The following GATD3 variants were observed in gnomAD, a reference collection of about 807,000 sequenced individuals.
GATD3 encodes the protein glutamine amidotransferase class 1 domain containing 3.
the GATD3 span, among the ~76,000 whole-genome samples, chr21:44,134,589 C>A: frequency 1.8e-5 from 1 of 54,336 alleles, no homozygotes; most frequent in East Asian, 6.5e-4. Flanking sequence ...CTATTCTTGG[C>A]TAAAAAAAAG....
chr21:44,139,625 C>T, the GATD3 span, among the ~76,000 whole-genome samples: 2 of 73,838 alleles, frequency 2.7e-5, 1 homozygote, highest in Admixed American at 2.9e-4. Context: ...AGGGCTCCGT[C>T]CCCAAAACTG....
chr21:44,141,926 G>A, the GATD3 span, among the ~76,000 whole-genome samples: 2 of 43,272 alleles, frequency 4.6e-5, no homozygotes, highest in African/African-American at 1.2e-4. Context: ...AGGGCGGCAG[G>A]GGGGTTTCAT....
chr21:44,142,054 C>T, the GATD3 span, among the ~76,000 whole-genome samples: 3 of 34,786 alleles, frequency 8.6e-5, no homozygotes, highest in African/African-American at 1.5e-4. Context: ...CTCCGCCTCC[C>T]GGGGTCAAGC....
chr21:44,143,887 C>G, the GATD3 span, among the ~76,000 whole-genome samples: 2 of 57,148 alleles, frequency 3.5e-5, 1 homozygote, highest in East Asian at 1.2e-3. Flanking sequence ...GCCTTGCGGC[C>G]CCCAGCCCCT....
the GATD3 span, among the ~76,000 whole-genome samples, chr21:44,142,015 A>T: frequency 2.1e-5 from 1 of 47,536 alleles, no homozygotes; most frequent in African/African-American, 5.6e-5. Flanking sequence ...TCTGTTGCCC[A>T]GGCTGGAGTG....
At chr21:44,141,868 C>T in the GATD3 span, among the ~76,000 whole-genome samples, 5 of 18,724 alleles carry the variant, frequency 2.7e-4, 2 homozygotes, top group African/African-American at 7.0e-4. Context: ...CTGCACGCAG[C>T]GTCGGGAGCT....
the GATD3 span, chr21:44,144,732 A>C: frequency 1.3e-5 from 2 of 155,364 alleles, no homozygotes; most frequent in Admixed American, 1.2e-4. Flanking sequence ...AAGTTAGGAC[A>C]CGCGGTGAGG....
At chr21:44,140,340 C>T in the GATD3 span, 2 of 84,654 alleles carry the variant, frequency 2.4e-5, no homozygotes, top group East Asian at 1.2e-4. Context: ...GGAAGCCCAT[C>T]GGGTGTGTAC....
the GATD3 span, among the ~76,000 whole-genome samples, chr21:44,139,700 G>T: frequency 9.3e-5 from 7 of 75,480 alleles, 3 homozygotes; most frequent in Non-Finnish European, 2.6e-4. Flanking sequence ...TCAAGTTGGG[G>T]TTCCCACAAC....
the GATD3 span, among the ~76,000 whole-genome samples, chr21:44,139,753 G>A: frequency 5.9e-5 from 7 of 118,366 alleles, no homozygotes; most frequent in East Asian, 2.5e-4. Context: ...GAAACATGAC[G>A]TCAGCATTCT....
chr21:44,142,675 A>G, the GATD3 span, among the ~76,000 whole-genome samples: 2 of 75,918 alleles, frequency 2.6e-5, 1 homozygote, highest in East Asian at 8.1e-4. Flanking sequence ...TGCGTCCACC[A>G]GCCTGCACTT....
chr21:44,142,964 C>T, the GATD3 span, among the ~76,000 whole-genome samples: 1 of 23,236 alleles, frequency 4.3e-5, no homozygotes, highest in African/African-American at 7.5e-5. Flanking sequence ...TGGCCTGGTG[C>T]TTGAGTGCCT....
chr21:44,139,811 A>G, the GATD3 span, among the ~76,000 whole-genome samples: 13,430 of 145,518 alleles, frequency 0.092, 1,464 homozygotes, highest in African/African-American at 0.25. Flanking sequence ...TGAGACCCAC[A>G]GTCAGAAAGG....
chr21:44,137,720 G>T, the GATD3 span: 1 of 78 alleles, frequency 0.013, no homozygotes, highest in Non-Finnish European at 0.083. Flanking sequence ...CTGTAGAGAT[G>T]AGGTCTTGGT....
At chr21:44,142,758 G>A in the GATD3 span, among the ~76,000 whole-genome samples, 1 of 74,392 alleles carries the variant, frequency 1.3e-5, no homozygotes, top group African/African-American at 2.9e-5. Flanking sequence ...TAGAAGGGGG[G>A]CTGGTGTGAA....
At chr21:44,142,526 C>T in the GATD3 span, among the ~76,000 whole-genome samples, 2 of 72,388 alleles carry the variant, frequency 2.8e-5, 1 homozygote, top group Admixed American at 3.0e-4. Context: ...CTGCTGTGGG[C>T]ACAGTGCCTG....
the GATD3 span, among the ~76,000 whole-genome samples, chr21:44,144,365 CCCTGTTG>C: frequency 1.5e-5 from 1 of 66,172 alleles, no homozygotes; most frequent in African/African-American, 3.4e-5. Context: ...CCACCTGCTG[CCCTGTTG>C]CCTGTTGCCC....
At chr21:44,145,049 C>CTT in the GATD3 span, 2 of 8,590 alleles carry the variant, frequency 2.3e-4, no homozygotes, top group South Asian at 7.8e-4. Context: ...CTGGCAGGCC[C>CTT]TTTTTTTTTT....
the GATD3 span, among the ~76,000 whole-genome samples, chr21:44,142,694 T>C: frequency 2.6e-5 from 2 of 75,654 alleles, 1 homozygote; most frequent in Admixed American, 2.8e-4. Flanking sequence ...TTGTTGAGAG[T>C]TGTGCTGCAG....
Sources: gnomAD v4.1 joint callset for allele counts (sites outside exome capture counted in the v4.1 genomes callset) on GRCh38, gnomAD v4.1.1 for gene constraint, MANE v1.5 for transcripts, NCBI Gene and HGNC (gene_info 2026-07-23, HGNC 2026-07-21) for gene names.